Variants in SLC30A8 observed in about 807,000 individuals in gnomAD.
The protein encoded by SLC30A8 is solute carrier family 30 member 8.
In SLC30A8, 27 loss-of-function variants were observed where a neutral mutation model predicts 36.9. The ratio of observed to expected loss-of-function variants is 0.73; its 90% CI spans 0.54 to 1.01. The LOEUF is 1.01. SLC30A8 is among the 50% of genes least tolerant of loss of function. The pLI is 0.00. For missense variants in SLC30A8, 439 were observed against 452.0 expected, an observed-to-expected ratio of 0.97 and a Z score of 0.26; for synonymous variants, 164 against 172.4, an observed-to-expected ratio of 0.95 and a Z score of 0.38.
At chr8:117,115,790 C>A (rs1820418348) in intron 2 of SLC30A8, among the ~76,000 whole-genome samples, 2 of 151,942 alleles carry the variant, frequency 1.3e-5, no homozygotes, top group Non-Finnish European at 2.9e-5. Context: ...GAACTGAGAT[C>A]TAATCAATGA....
intron 1 of SLC30A8, among the ~76,000 whole-genome samples, chr8:117,135,653 C>T (rs1294834709): frequency 6.6e-6 from 1 of 151,876 alleles, no homozygotes; most frequent in Non-Finnish European, 1.5e-5. Flanking sequence ...CATGTTTATT[C>T]CAGAAAATAG....
At chr8:116,983,362 TG>T (rs1429245846) in intron 1 of SLC30A8, among the ~76,000 whole-genome samples, 1 of 152,156 alleles carries the variant, frequency 6.6e-6, no homozygotes, top group East Asian at 1.9e-4. Flanking sequence ...TTCTACTTTT[TG>T]AAATTTTTGA....
At chr8:117,047,980 G>A (rs6469672) in intron 2 of SLC30A8, among the ~76,000 whole-genome samples, 1,776 of 152,266 alleles carry the variant, frequency 0.012, 48 homozygotes, top group African/African-American at 0.04. Flanking sequence ...TGGTCTAAGA[G>A]GAAGCATGAA....
intron 2 of SLC30A8, among the ~76,000 whole-genome samples, chr8:117,067,785 A>T (rs1818213705): frequency 1.3e-5 from 2 of 152,104 alleles, no homozygotes; most frequent in South Asian, 4.2e-4. Context: ...TTCTTCTATA[A>T]CCTACAATAA....
Position 117,176,412 on chromosome 8 carries a change from G to C in SLC30A8, c.*3731G>C, listed in dbSNP as rs1004771866. On this transcript the variant is annotated 3_prime_UTR_variant, in exon 8 of 8. Coordinates refer to ENST00000456015, the MANE Select transcript of SLC30A8 (RefSeq NM_173851.3). ...TCATCTCTCTGTATTCCCTGTTTTGGATCACAGGGCAATCTGTTTAAATGA... is the reference window on the plus strand; with the variant it reads ...TCATCTCTCTGTATTCCCTGTTTTGCATCACAGGGCAATCTGTTTAAATGA... 1.3e-5 allele frequency: 2 copies of C among 152,342 alleles called. No individual in the cohort carries two copies. Among genetic ancestry groups the C allele is most frequent in the African/African-American group, 4.8e-5 (2 of 41,372 alleles). 9.4% of individuals were successfully genotyped at this position (152,342 alleles called of 1,614,324 possible). A position where few individuals can be genotyped will look rare whatever the true frequency, so the allele number is the denominator to read the frequency against.
At chr8:116,959,706 T>A (rs1814350503) in intron 1 of SLC30A8, among the ~76,000 whole-genome samples, 1 of 152,198 alleles carries the variant, frequency 6.6e-6, no homozygotes, top group Non-Finnish European at 1.5e-5. Context: ...GGAGGCAAGA[T>A]CCTTCTGAGT....
At chr8:116,987,922 C>T (rs1815504604) in intron 1 of SLC30A8, among the ~76,000 whole-genome samples, 1 of 152,208 alleles carries the variant, frequency 6.6e-6, no homozygotes, top group African/African-American at 2.4e-5. Context: ...TGGTCTCGAA[C>T]TCCTGACCTC....
chr8:117,097,291 C>T (rs1307133846), intron 2 of SLC30A8, among the ~76,000 whole-genome samples: 5 of 141,310 alleles, frequency 3.5e-5, no homozygotes, highest in Non-Finnish European at 7.5e-5. Flanking sequence ...CCCAGCTACT[C>T]GGGAGGCTGA....
At chr8:116,966,118 A>G (rs907622063) in intron 1 of SLC30A8, among the ~76,000 whole-genome samples, 7 of 152,112 alleles carry the variant, frequency 4.6e-5, no homozygotes, top group Non-Finnish European at 8.8e-5. Flanking sequence ...TCCTGACCTC[A>G]GGCAATTCGC....
At chr8:117,125,572 G>A (rs928689486) in intron 2 of SLC30A8, among the ~76,000 whole-genome samples, 6 of 152,012 alleles carry the variant, frequency 3.9e-5, no homozygotes, top group African/African-American at 1.4e-4. Context: ...GAAAATCAGT[G>A]TGGCTAGGAT....
chr8:116,983,192 G>A (rs559508859), intron 1 of SLC30A8, among the ~76,000 whole-genome samples: 1 of 152,126 alleles, frequency 6.6e-6, no homozygotes, highest in South Asian at 2.1e-4. Flanking sequence ...TTAATCTTGA[G>A]TAATAAAAAT....
rs1335849927 is a variant in SLC30A8, at chr8:117,174,645, A to G, written c.*1964A>G. On this transcript the variant is annotated 3_prime_UTR_variant, in exon 8 of 8. Coordinates refer to ENST00000456015, the MANE Select transcript of SLC30A8 (RefSeq NM_173851.3). ...CGCCCTAAAGACTAGGTGACTTGGC[A>G]AACACACAAGTGTTAGTATAATTCT... is the stretch of plus-strand genomic sequence containing the variant. The G allele has an allele frequency of 1.3e-5, 2 of 152,574 alleles. No individual in the cohort carries two copies. Among genetic ancestry groups the G allele is most frequent in the East Asian group, 3.9e-4 (2 of 5,166 alleles). The allele number at this position is 152,574 out of a possible 1,614,324, so 9.5% of individuals were successfully genotyped here. A position where few individuals can be genotyped will look rare whatever the true frequency, so the allele number is the denominator to read the frequency against.
chr8:117,081,497 C>T (rs892303709), intron 2 of SLC30A8, among the ~76,000 whole-genome samples: 1 of 152,142 alleles, frequency 6.6e-6, no homozygotes, highest in Non-Finnish European at 1.5e-5. Flanking sequence ...CCTCATGTAA[C>T]CTTAATTGCC....
At chr8:116,996,972 G>A (rs1188178246) in intron 1 of SLC30A8, among the ~76,000 whole-genome samples, 1 of 151,788 alleles carries the variant, frequency 6.6e-6, no homozygotes, top group South Asian at 2.1e-4. Context: ...CAAGAAGGAG[G>A]CATTCTTTTT....
At chr8:117,009,488 A>T (rs1816277765) in intron 1 of SLC30A8, among the ~76,000 whole-genome samples, 1 of 152,234 alleles carries the variant, frequency 6.6e-6, no homozygotes, top group South Asian at 2.1e-4. Context: ...ATTCAGTTTA[A>T]GATGGGGCAT....
chr8:117,022,768 A>G (rs1408187066), intron 1 of SLC30A8, among the ~76,000 whole-genome samples: 1 of 152,248 alleles, frequency 6.6e-6, no homozygotes, highest in African/African-American at 2.4e-5. Flanking sequence ...TAAAACCATA[A>G]AAACCCTAGA....
At chr8:117,100,739 A>G (rs2130856318) in intron 2 of SLC30A8, among the ~76,000 whole-genome samples, 1 of 152,338 alleles carries the variant, frequency 6.6e-6, no homozygotes, top group East Asian at 1.9e-4. Context: ...TAGAGTAGAT[A>G]CTATCAATAT....
chr8:117,078,826 T>C (rs1818571648), intron 2 of SLC30A8, among the ~76,000 whole-genome samples: 1 of 152,002 alleles, frequency 6.6e-6, no homozygotes, highest in South Asian at 2.1e-4. Flanking sequence ...TGGCTGGGAT[T>C]ATAGGTGCAT....
upstream of SLC30A8, among the ~76,000 whole-genome samples, chr8:117,133,462 C>T (rs1271525490): frequency 6.6e-6 from 1 of 151,940 alleles, no homozygotes; most frequent in African/African-American, 2.4e-5. Flanking sequence ...AGGCAAAGTT[C>T]GCATGGAGGA....
Sources: gnomAD v4.1 joint callset for allele counts (sites outside exome capture counted in the v4.1 genomes callset) on GRCh38, gnomAD v4.1.1 for gene constraint, MANE v1.5 for transcripts, NCBI Gene and HGNC (gene_info 2026-07-23, HGNC 2026-07-21) for gene names.